CEP112: variants seen among roughly 807,000 people sequenced by gnomAD.
CEP112 encodes centrosomal protein 112.
A neutral mutation model predicts 153.0 loss-of-function variants in CEP112; 127 were observed. The observed-to-expected ratio is 0.83, with a 90% CI of 0.72 to 0.96. The LOEUF (loss-of-function observed/expected upper bound fraction) is 0.96. Ranked by LOEUF, CEP112 falls within the 40% of genes least tolerant of loss-of-function variation. The pLI is 0.00. For synonymous variants in CEP112, 358 were observed against 374.4 expected, an observed-to-expected ratio of 0.96 and a Z score of 0.51; for missense variants, 1,089 against 1,101.2, an observed-to-expected ratio of 0.99 and a Z score of 0.16.
At chr17:66,096,665 T>G in intron 6 of CEP112, 33 bp from the exon 7 acceptor site, 1 of 1,375,752 alleles carries the variant, frequency 7.3e-7, no homozygotes, top group South Asian at 1.3e-5. Context: ...AAATAAGGAT[T>G]TATTAATTTT....
At chr17:65,652,339 T>C (rs73351259) in intron 24 of CEP112, among the ~76,000 whole-genome samples, 10,605 of 152,198 alleles carry the variant, frequency 0.07, 950 homozygotes, top group East Asian at 0.46. Flanking sequence ...GCCTCAGTTT[T>C]CTTATCAGGA....
intron 18 of CEP112, among the ~76,000 whole-genome samples, chr17:65,950,726 G>T (rs1451630840): frequency 6.7e-6 from 1 of 149,846 alleles, no homozygotes; most frequent in Admixed American, 6.7e-5. Context: ...AGTAGTAGTA[G>T]TAGTAGTAGT....
At chr17:65,971,099 G>C (rs946945915) in intron 17 of CEP112, among the ~76,000 whole-genome samples, 2 of 152,092 alleles carry the variant, frequency 1.3e-5, no homozygotes, top group South Asian at 2.1e-4. Flanking sequence ...ATATTACATG[G>C]TACATTGCAT....
chr17:66,040,468 T>G (rs1343283315), intron 12 of CEP112, among the ~76,000 whole-genome samples: 2 of 150,866 alleles, frequency 1.3e-5, no homozygotes, highest in Non-Finnish European at 2.9e-5. Flanking sequence ...TCTTCTTCCA[T>G]TCTGAATTGC....
chr17:65,984,517 C>T (rs1188210796), intron 17 of CEP112, among the ~76,000 whole-genome samples: 1 of 151,988 alleles, frequency 6.6e-6, no homozygotes, highest in Admixed American at 6.6e-5. Flanking sequence ...AAAGCCTGAA[C>T]CTGAACAGAA....
At chr17:65,897,857 ATGTCCT>A (rs992133323) in intron 20 of CEP112, among the ~76,000 whole-genome samples, 71 of 152,156 alleles carry the variant, frequency 4.7e-4, no homozygotes, top group African/African-American at 1.7e-3. Context: ...ATATTGGTCA[ATGTCCT>A]TTATATTAAG....
Position 66,028,317 on chromosome 17 carries a change from A to C in CEP112, c.1592T>G (p.Leu531Arg), listed in dbSNP as rs1277165308. 1.9e-6 allele frequency: 3 copies of C among 1,575,040 alleles called. No individual in the cohort carries two copies. The highest frequency in any genetic ancestry group is 2.6e-6 in the Non-Finnish European group (3 of 1,149,392). Residue 531 changes from leucine (L) to arginine (R), a missense_variant, in exon 15 of 27, where the codon CTA (leucine) becomes CGA (arginine). Leu to Arg is a moderately radical substitution (Grantham distance 102). Coordinates refer to ENST00000535342, the MANE Select transcript of CEP112 (RefSeq NM_001199165.4). ...GTGTAGAAATACAAGACTCACCCTT[A>C]GTTGTTGCTTTCTTTGAAGTTCTGA... Reference protein sequence around the residue: ...QESELQRKQQLRDQENKFQME... With the variant: ...QESELQRKQQRRDQENKFQME...
chr17:65,727,143 T>C (rs1012464798), intron 23 of CEP112, among the ~76,000 whole-genome samples: 1 of 152,252 alleles, frequency 6.6e-6, no homozygotes, highest in African/African-American at 2.4e-5. Flanking sequence ...TGTATCTTCA[T>C]CATTGACCAC....
intron 21 of CEP112, among the ~76,000 whole-genome samples, chr17:65,827,764 A>G (rs1736048877): frequency 6.6e-6 from 1 of 152,140 alleles, no homozygotes; most frequent in South Asian, 2.1e-4. Context: ...TGGCTTCCTT[A>G]AGTCCTCTAG....
chr17:65,851,762 T>A (rs561006900), intron 21 of CEP112, 42 bp downstream of exon 21: 1 of 1,425,986 alleles, frequency 7.0e-7, no homozygotes, highest in East Asian at 2.3e-5. Context: ...ATTTTAAACA[T>A]GGATTTCAAC....
chr17:65,653,427 G>A (rs1010326558), intron 24 of CEP112, among the ~76,000 whole-genome samples: 7 of 152,200 alleles, frequency 4.6e-5, no homozygotes, highest in Non-Finnish European at 1.0e-4. Context: ...GTTAAGTAAA[G>A]TGAGTTTGAC....
intron 18 of CEP112, among the ~76,000 whole-genome samples, chr17:65,941,006 A>C (rs900097496): frequency 6.6e-6 from 1 of 152,126 alleles, no homozygotes; most frequent in Non-Finnish European, 1.5e-5. Flanking sequence ...GTATCTCATA[A>C]ATATATACAA....
chr17:65,880,912 A>C (rs1029178700), intron 20 of CEP112, among the ~76,000 whole-genome samples: 2 of 152,174 alleles, frequency 1.3e-5, no homozygotes, highest in Non-Finnish European at 2.9e-5. Context: ...AAAGCCTATA[A>C]TTATGATAAA....
At chr17:65,682,941 C>G (rs951796920) in intron 24 of CEP112, among the ~76,000 whole-genome samples, 1 of 152,104 alleles carries the variant, frequency 6.6e-6, no homozygotes, top group Admixed American at 6.5e-5. Context: ...TCCCAAGAAC[C>G]CTGTGGGAAG....
In CEP112 at chr17:66,008,891, C is replaced by T. The variant is rs190720159; in HGVS notation, c.1657-3122G>A. ...TATATATACATACCACAGTTTCTTC[C>T]ATCCATAGATGAACACTTAGGTCAA... On this transcript the variant is annotated intron_variant, in intron 16 of 26. Coordinates refer to ENST00000535342, the MANE Select transcript of CEP112 (RefSeq NM_001199165.4). Among the ~76,000 whole-genome samples, 13 of 152,120 alleles carry T rather than the reference C, an allele frequency of 8.5e-5. No homozygotes were observed. In the East Asian group the frequency reaches 2.3e-3, roughly 27 times the overall value.
chr17:66,191,052 G>T lies in CEP112; in HGVS notation c.-9+945C>A, dbSNP rs1424268988. Among the ~76,000 whole-genome samples, 3 of 152,180 alleles carry T rather than the reference G, an allele frequency of 2.0e-5. No homozygotes were observed. The East Asian group carries it at 5.8e-4, about 29-fold the overall frequency. On this transcript the variant is annotated intron_variant, in intron 1 of 26. Transcript: ENST00000535342. This position sits in a 1 kb window ranked among gnomAD's most constrained non-coding sequence, Gnocchi z 4.2. Reference sequence around the variant, plus strand: ...GGATGTTTTGACAAGAGCCTTCCCTGACTCTACCCGTAGCTCAGTGTGTGC... The same window carrying T: ...GGATGTTTTGACAAGAGCCTTCCCTTACTCTACCCGTAGCTCAGTGTGTGC...
chr17:65,953,895 T>C (rs1431447219), intron 18 of CEP112, among the ~76,000 whole-genome samples: 3 of 152,024 alleles, frequency 2.0e-5, no homozygotes, highest in African/African-American at 4.8e-5. Context: ...AAGACAAAAA[T>C]CGTAATCTTT....
At chr17:66,096,956 T>A (rs2068372565) in intron 6 of CEP112, among the ~76,000 whole-genome samples, 1 of 152,198 alleles carries the variant, frequency 6.6e-6, no homozygotes, top group Admixed American at 6.5e-5. Flanking sequence ...ACATGGCAGA[T>A]GTTCTCATGC....
chr17:65,679,845 T>A (rs232105), intron 24 of CEP112, among the ~76,000 whole-genome samples: 1,974 of 152,274 alleles, frequency 0.013, 39 homozygotes, highest in African/African-American at 0.045. Context: ...ATCAACTCTT[T>A]GGGAATACAA....
Sources: allele counts gnomAD v4.1 joint callset (sites outside exome capture counted in the v4.1 genomes callset), GRCh38; gene constraint gnomAD v4.1.1; non-coding constraint Gnocchi (gnomAD v3.1); transcripts MANE v1.5; gene names NCBI Gene and HGNC (gene_info 2026-07-23, HGNC 2026-07-21).